COL5A3: variants seen among roughly 807,000 people sequenced by gnomAD.
The protein encoded by COL5A3 is collagen type V alpha 3 chain.
In COL5A3, 172 loss-of-function variants were observed where a neutral mutation model predicts 250.0. That is an observed-to-expected ratio of 0.69 (90% CI 0.61 to 0.78). COL5A3 has a LOEUF of 0.78. Among genes scored for constraint, COL5A3 ranks in the 30% least tolerant of loss-of-function variants. The probability of loss-of-function intolerance (pLI) is 0.00; values close to 1 mark genes in which losing one functional copy is unlikely to be tolerated. For synonymous variants in COL5A3, 937 were observed against 900.4 expected (o/e 1.04, Z -0.73); for missense variants, 2,340 against 2,334.4 (o/e 1.00, Z -0.05).
chr19:9,979,963 C>T (rs749683786), intron 36 of COL5A3, 31 bp downstream of exon 36: 3 of 1,577,208 alleles, frequency 1.9e-6, no homozygotes, highest in Non-Finnish European at 2.6e-6. Context: ...CCTCCACCCA[C>T]CCAACCCCCA....
At chr19:9,992,255 T>C (rs1249541439) in intron 21 of COL5A3, among the ~76,000 whole-genome samples, 1 of 151,900 alleles carries the variant, frequency 6.6e-6, no homozygotes, top group Non-Finnish European at 1.5e-5. Flanking sequence ...AAACCCCGTC[T>C]TTACTAAAAA....
At chr19:9,972,634 G>A (rs1307202205) in intron 51 of COL5A3, among the ~76,000 whole-genome samples, 3 of 151,606 alleles carry the variant, frequency 2.0e-5, no homozygotes, top group East Asian at 3.8e-4. Context: ...TCAGGAGATC[G>A]AGACCATCCT....
Position 9,993,057 on chromosome 19 carries a change from C to G in COL5A3, c.1760G>C (p.Gly587Ala). 6.2e-7 allele frequency: 1 copy of G among 1,613,916 alleles called. No homozygotes were observed. The highest frequency in any genetic ancestry group is 8.5e-7 in the Non-Finnish European group (1 of 1,179,934). Residue 587 changes from glycine (G) to alanine (A), a missense_variant, in exon 20 of 67, where the codon GGA becomes GCA. Transcript: ENST00000264828. ...AGCCTGGCCAGTGGGCCCTGGAGGT[C>G]CCTCTGCTCCCTGTGGAAAAGCGTC... ...PGEDGERGAE[G>A]PPGPTGQAGE...
chr19:9,977,947 C>CAT (rs372091609), intron 41 of COL5A3, among the ~76,000 whole-genome samples: 6,158 of 104,940 alleles, frequency 0.059, 222 homozygotes, highest in Admixed American at 0.096. Context: ...GCAGCCTATA[C>CAT]ATATATATAT....
chr19:10,005,559 T>A lies in COL5A3; in HGVS notation c.593A>T (p.Glu198Val), dbSNP rs2087429195. The change falls in exon 4 of 67, where the codon GAG becomes GTG. Residue 198 changes from glutamate to valine, a missense_variant and splice_region_variant. By Grantham distance (121) the Glu-to-Val change is moderately radical (BLOSUM62 -2). This residue lies in a region of COL5A3 where 1,152 missense variants were observed against 1,146.3 expected (regional missense o/e 1.00). Transcript: ENST00000264828. The stretch of plus-strand genomic sequence containing the variant: ...TTTCCCCCATCACTGAACTCCTACC[T>A]CGAAAGTCTTTTCCCCAAGGTCCTG... ...GTQDLGEKTFEGDIQELLISP... is the reference protein window; with the variant it reads ...GTQDLGEKTFVGDIQELLISP... 2 of 1,614,036 alleles carry A rather than the reference T, an allele frequency of 1.2e-6. No homozygotes were observed. Among genetic ancestry groups the A allele is most frequent in the Non-Finnish European group, 1.7e-6 (2 of 1,179,982 alleles).
intron 14 of COL5A3, 37 bp downstream of exon 14, chr19:9,996,169 G>C: frequency 6.4e-7 from 1 of 1,554,262 alleles, no homozygotes. Context: ...CTTCACTAAT[G>C]CATGCACCGC....
At position 10,005,635 on chromosome 19, in the gene COL5A3, C is replaced by T. The variant is rs2087430594; in HGVS notation, c.517G>A (p.Gly173Ser). 1.2e-6 allele frequency: 2 copies of T among 1,614,114 alleles called. No individual in the cohort carries two copies. The highest frequency in any genetic ancestry group is 8.5e-7 in the Non-Finnish European group (1 of 1,179,998). Residue 173 changes from glycine to serine, a missense_variant, in exon 4 of 67, where the codon GGC becomes AGC. Gly to Ser is a moderately conservative substitution (Grantham distance 56). This residue lies in a region of COL5A3 where 1,152 missense variants were observed against 1,146.3 expected (regional missense o/e 1.00). Transcript: ENST00000264828. The part of the protein sequence containing the change: ...ADCEAQPPVL[G>S]HGPRFISIAG... ...ATGCTGATGAAGCGGGGGCCATGGC[C>T]CAAAACAGGGGGCTGAGCTTCACAG... is the stretch of plus-strand genomic sequence containing the variant.
intron 11 of COL5A3, 155 bp downstream of exon 11, chr19:9,997,216 T>C: frequency 2.9e-6 from 2 of 683,940 alleles, no homozygotes; most frequent in South Asian, 1.7e-5. Context: ...AGAGAAATAG[T>C]TCACAGATGG....
At position 9,968,345 on chromosome 19, in the gene COL5A3, C is replaced by CAA; in HGVS notation, c.4314+39_4314+40insTT. 1.4e-6 allele frequency: 2 copies of CAA among 1,437,838 alleles called. No homozygotes were observed. Among genetic ancestry groups the CAA allele is most frequent in the Non-Finnish European group, 1.9e-6 (2 of 1,031,664 alleles). The allele number at this position is 1,437,838 out of a possible 1,614,324, so 89.1% of individuals were successfully genotyped here. A position where few individuals can be genotyped will look rare whatever the true frequency, so the allele number is the denominator to read the frequency against. Reference sequence around the variant, plus strand: ...CCCACAGTCTCTCAACCGACCCCCTCCTTCAAATGCATTCTTCCCGCTCAG... The same window carrying CAA: ...CCCACAGTCTCTCAACCGACCCCCTCAACTTCAAATGCATTCTTCCCGCTCAG... On this transcript the variant is annotated intron_variant, in intron 59 of 66. Coordinates refer to ENST00000264828, the MANE Select transcript of COL5A3 (RefSeq NM_015719.4). This position sits in a 1 kb window ranked among gnomAD's most constrained non-coding sequence, Gnocchi z 4.1.
At chr19:10,000,361 C>A (rs886975964) in intron 8 of COL5A3, among the ~76,000 whole-genome samples, 11 of 151,986 alleles carry the variant, frequency 7.2e-5, no homozygotes, top group Admixed American at 3.9e-4. Flanking sequence ...CCATCTTCCT[C>A]CAGGTCACGT....
At chr19:9,981,619 TACAC>T (rs1241810941) in intron 32 of COL5A3, among the ~76,000 whole-genome samples, 1 of 152,156 alleles carries the variant, frequency 6.6e-6, no homozygotes, top group East Asian at 1.9e-4. Flanking sequence ...ACTGTTACAA[TACAC>T]ACATAGCAAC....
At chr19:9,984,111 C>T (rs1038089329) in intron 31 of COL5A3, among the ~76,000 whole-genome samples, 7 of 152,028 alleles carry the variant, frequency 4.6e-5, no homozygotes. Context: ...GCATCCTCTG[C>T]TTCCCGGGCT....
Position 9,979,130 on chromosome 19 carries a change from A to G in COL5A3, c.2874+2T>C. The G allele has an allele frequency of 6.3e-7, 1 of 1,575,994 alleles. No homozygotes were observed. The highest frequency in any genetic ancestry group is 1.2e-5 in the South Asian group (1 of 85,414). On this transcript the variant is annotated splice_donor_variant, in intron 39 of 66. Coordinates refer to ENST00000264828, the MANE Select transcript of COL5A3 (RefSeq NM_015719.4). LOFTEE classifies it high-confidence loss of function. ...CAAGATCTCCAGTGGACAGTGTCTC[A>G]CCTTGGCCCCCTCTCTGCCTTCCAG...
Position 9,970,028 on chromosome 19 carries a change from G to T in COL5A3, c.3937-106C>A. ...GTTATGGATGAGTGGGGTCTGTAAG[G>T]TGAGTGGGGTCTGTGGGGTGAATGA... On this transcript the variant is annotated intron_variant, in intron 54 of 66. Transcript: ENST00000264828. The T allele has an allele frequency of 4.4e-6, 3 of 689,160 alleles. No homozygotes were observed. The East Asian group carries it at 9.1e-5, about 21-fold the overall frequency. The allele number at this position is 689,160 out of a possible 1,614,324, so 42.7% of individuals were successfully genotyped here. A position where few individuals can be genotyped will look rare whatever the true frequency, so the allele number is the denominator to read the frequency against.
At chr19:9,991,914 G>C in intron 22 of COL5A3, 73 bp from the exon 23 acceptor site, 2 of 1,575,134 alleles carry the variant, frequency 1.3e-6, no homozygotes, top group South Asian at 1.1e-5. Flanking sequence ...ATTGACTTGG[G>C]GGGGGTCAGT....
intron 1 of COL5A3, among the ~76,000 whole-genome samples, chr19:10,010,060 T>C (rs868422686): frequency 6.6e-6 from 1 of 151,894 alleles, no homozygotes; most frequent in South Asian, 2.1e-4. Context: ...CACCTGCACA[T>C]TGCATGCATT....
intron 41 of COL5A3, among the ~76,000 whole-genome samples, chr19:9,978,171 C>A (rs1448934235): frequency 6.6e-6 from 1 of 151,824 alleles, no homozygotes; most frequent in Non-Finnish European, 1.5e-5. Flanking sequence ...GATAAATGAT[C>A]TCAATGAGGT....
At chr19:9,962,765 T>A in intron 65 of COL5A3, 54 bp downstream of exon 65, 817 of 1,198,034 alleles carry the variant, frequency 6.8e-4, no homozygotes, top group Non-Finnish European at 9.3e-4. Context: ...CAAACCCCCC[T>A]GCTGGTTCCC....
chr19:9,993,598 G>T (rs756816748), intron 18 of COL5A3, 21 bp downstream of exon 18: 1 of 1,613,256 alleles, frequency 6.2e-7, no homozygotes, highest in Non-Finnish European at 8.5e-7. Flanking sequence ...TAGACTTGGG[G>T]GAGGGACCTC....
Sources: gnomAD v4.1 joint callset for allele counts (sites outside exome capture counted in the v4.1 genomes callset) on GRCh38, gnomAD v4.1.1 for gene constraint, gnomAD v4.1.1 regional missense constraint, Gnocchi (gnomAD v3.1) non-coding constraint, MANE v1.5 for transcripts, NCBI Gene and HGNC (gene_info 2026-07-23, HGNC 2026-07-21) for gene names.